The following ADGRB1 variants were observed in gnomAD, a reference collection of about 807,000 sequenced individuals.
The protein encoded by ADGRB1 is adhesion G protein-coupled receptor B1, also known as brain-specific angiogenesis inhibitor 1.
Under a neutral mutation model 175.7 loss-of-function variants are expected in ADGRB1, and 36 were observed. The ratio of observed to expected loss-of-function variants is 0.20; its 90% CI spans 0.16 to 0.27. The LOEUF (loss-of-function observed/expected upper bound fraction) is 0.27, where lower values mean the gene tolerates loss of function less well. Among genes scored for constraint, ADGRB1 ranks in the 10% least tolerant of loss-of-function variants. ADGRB1 has a pLI of 1.00. For missense variants in ADGRB1, 1,731 were observed against 2,255.3 expected (o/e 0.77, Z 4.71); for synonymous variants, 1,054 against 979.4 (o/e 1.08, Z -1.42).
At chr8:142,489,277 G>A in intron 15 of ADGRB1, 59 bp from the exon 16 acceptor site, 1 of 1,595,476 alleles carries the variant, frequency 6.3e-7, no homozygotes, top group Non-Finnish European at 8.6e-7. Flanking sequence ...CTGGGGAAGG[G>A]CCAGGAGGAG....
At position 142,485,507 on chromosome 8, in the gene ADGRB1, A is replaced by T. The variant is rs1276460304; in HGVS notation, c.2308+743A>T. ...GGAGTTTGAGACCAGCCTGGGCAGC[A>T]CAGTGAGACCCTGTCTCTACAAATG... On this transcript the variant is annotated intron_variant, in intron 13 of 30. Coordinates refer to ENST00000517894, the MANE Select transcript of ADGRB1 (RefSeq NM_001702.3). Among the ~76,000 whole-genome samples the T allele has an allele frequency of 2.0e-5, 3 of 152,212 alleles. No homozygotes were observed. In the East Asian group the frequency reaches 5.8e-4, roughly 29 times the overall value.
intron 19 of ADGRB1, among the ~76,000 whole-genome samples, chr8:142,519,557 TGTG>T (rs746518128): frequency 7.0e-5 from 10 of 141,888 alleles, no homozygotes; most frequent in Admixed American, 3.5e-4. Flanking sequence ...TGCTGGTGAT[TGTG>T]GTGATAGTGA....
chr8:142,489,054 G>A lies in ADGRB1; in HGVS notation c.2472G>A (p.Val824=), dbSNP rs1841854754. 2 of 1,611,854 alleles carry A rather than the reference G, an allele frequency of 1.2e-6. No homozygotes were observed. The highest frequency in any genetic ancestry group is 2.7e-5 in the African/African-American group (2 of 74,922). ...TTCCAGAGGCCGATGAAGCATCCGT[G>A]TTTGTGGTGGGCACCGTGCTCTACA... ...TGLTEADEAS[V]FVVGTVLYRN... The change falls in exon 15 of 31, where the codon GTG becomes GTA. Residue 824 remains valine (V), a synonymous_variant. Coordinates refer to ENST00000517894, the MANE Select transcript of ADGRB1 (RefSeq NM_001702.3).
At position 142,464,071 on chromosome 8, in the gene ADGRB1, T is replaced by TA; in HGVS notation, c.-128_-127insA. On this transcript the variant is annotated 5_prime_UTR_variant, in exon 2 of 31. Transcript: ENST00000517894. ...TCACCTGAAGCGGGGCCCTCTCCCATCCCACCCTTGCCCCGCCTCCCTGCC... is the reference window on the plus strand; with the variant it reads ...TCACCTGAAGCGGGGCCCTCTCCCATACCCACCCTTGCCCCGCCTCCCTGCC... 4 of 437,402 alleles carry TA rather than the reference T, an allele frequency of 9.1e-6. No homozygotes were observed. Among genetic ancestry groups the TA allele is most frequent in the Non-Finnish European group, 9.7e-6 (3 of 309,270 alleles). 27.1% of individuals were successfully genotyped at this position (437,402 alleles called of 1,614,324 possible). A position where few individuals can be genotyped will look rare whatever the true frequency, so the allele number is the denominator to read the frequency against.
At chr8:142,477,970 G>T (rs1841077556) in intron 6 of ADGRB1, among the ~76,000 whole-genome samples, 1 of 150,758 alleles carries the variant, frequency 6.6e-6, no homozygotes, top group Non-Finnish European at 1.5e-5. Flanking sequence ...GGCTGGATGT[G>T]GGGTGGTGGC....
At position 142,464,153 on chromosome 8, in the gene ADGRB1, G is replaced by A. The variant is rs1388834870; in HGVS notation, c.-46G>A. 6 of 1,157,114 alleles carry A rather than the reference G, an allele frequency of 5.2e-6. No individual in the cohort carries two copies. Among genetic ancestry groups the A allele is most frequent in the Non-Finnish European group, 6.4e-6 (6 of 943,634 alleles). The allele number at this position is 1,157,114 out of a possible 1,614,324, so 71.7% of individuals were successfully genotyped here. A position where few individuals can be genotyped will look rare whatever the true frequency, so the allele number is the denominator to read the frequency against. ...CCTGGCATGTCAAGACCTGGTCCGC[G>A]CCTGCCTGCCCAGCCCGCGGAACCC... On this transcript the variant is annotated 5_prime_UTR_variant, in exon 2 of 31. Coordinates refer to ENST00000517894, the MANE Select transcript of ADGRB1 (RefSeq NM_001702.3).
chr8:142,469,344 T>C (rs1326783414), intron 2 of ADGRB1, among the ~76,000 whole-genome samples: 2 of 151,266 alleles, frequency 1.3e-5, no homozygotes, highest in Middle Eastern at 3.5e-3. Context: ...TGTGTGAATG[T>C]GGGAGTGTCT....
chr8:142,511,134 G>A lies in ADGRB1; in HGVS notation c.2817+61G>A. 1 of 1,039,814 alleles carries A rather than the reference G, an allele frequency of 9.6e-7. No individual in the cohort carries two copies. Among genetic ancestry groups the A allele is most frequent in the Non-Finnish European group, 1.2e-6 (1 of 864,266 alleles). 64.4% of individuals were successfully genotyped at this position (1,039,814 alleles called of 1,614,324 possible). A position where few individuals can be genotyped will look rare whatever the true frequency, so the allele number is the denominator to read the frequency against. On this transcript the variant is annotated intron_variant, in intron 18 of 30. Coordinates refer to ENST00000517894, the MANE Select transcript of ADGRB1 (RefSeq NM_001702.3). This position sits in a 1 kb window ranked among gnomAD's most constrained non-coding sequence, Gnocchi z 4.5. ...GGCAGGGGCGCGGGCGGGGGCTGCC[G>A]GCGGGCCTGCGGGTGGGGAGGGCCC...
rs572343842 is a variant in ADGRB1 at position 142,479,700 on chromosome 8, T to C, written c.1734T>C (p.His578=). 125 of 1,587,552 alleles carry C rather than the reference T, an allele frequency of 7.9e-5. No individual in the cohort carries two copies. In the South Asian group the frequency reaches 1.2e-3, roughly 16 times the overall value. Residue 578 remains histidine, a synonymous_variant, in exon 9 of 31, where the codon CAT becomes CAC. Transcript: ENST00000517894. Reference sequence around the variant, plus strand: ...TCCCGGGCCCCTTGGCAGAGCCCCATGAGATCTGTGATGAGGACAACTTTG... The same window carrying C: ...TCCCGGGCCCCTTGGCAGAGCCCCACGAGATCTGTGATGAGGACAACTTTG... ...QCGTQRCPEP[H]EICDEDNFGA...
intron 24 of ADGRB1, among the ~76,000 whole-genome samples, chr8:142,529,083 A>G (rs1175769017): frequency 6.6e-6 from 1 of 152,242 alleles, no homozygotes; most frequent in Non-Finnish European, 1.5e-5. Context: ...GTCTGCACCC[A>G]TGACACCCCC....
Position 142,492,103 on chromosome 8 carries a change from TTAATC to T in ADGRB1, c.2675+1291_2675+1295del, listed in dbSNP as rs1842008432. The stretch of plus-strand genomic sequence containing the variant: ...ACCCTCTCCTCTGTCTGCCTGTTCT[TTAATC>T]TATACCCACTGCCACCACCCTCCAC... On this transcript the variant is annotated intron_variant, in intron 17 of 30. Coordinates refer to ENST00000517894, the MANE Select transcript of ADGRB1 (RefSeq NM_001702.3). This position sits in a 1 kb window ranked among gnomAD's most constrained non-coding sequence, Gnocchi z 4.4. Among the ~76,000 whole-genome samples, 1 of 151,918 alleles carries T rather than the reference TTAATC, an allele frequency of 6.6e-6. No homozygotes were observed. Among genetic ancestry groups the T allele is most frequent in the African/African-American group, 2.4e-5 (1 of 41,298 alleles).
rs1339885508 is a variant in ADGRB1, at chr8:142,504,121, T to G, written c.2676-6811T>G. ...TCGATGGGTCACAGCGACCAGGATC[T>G]CCTCAGGACCCCAGGTAATTGCCCC... is the stretch of plus-strand genomic sequence containing the variant. On this transcript the variant is annotated intron_variant, in intron 17 of 30. Coordinates refer to ENST00000517894, the MANE Select transcript of ADGRB1 (RefSeq NM_001702.3). The surrounding 1 kb of genome is among the most constrained non-coding windows in gnomAD (Gnocchi z 5.6). Among the ~76,000 whole-genome samples, 4 of 152,198 alleles carry G rather than the reference T, an allele frequency of 2.6e-5. No individual in the cohort carries two copies. The highest frequency in any genetic ancestry group is 5.9e-5 in the Non-Finnish European group (4 of 68,024).
chr8:142,469,157 A>G (rs200840914), intron 2 of ADGRB1, among the ~76,000 whole-genome samples: 1 of 6,040 alleles, frequency 1.7e-4, no homozygotes, highest in Non-Finnish European at 5.3e-4. Flanking sequence ...GCATGCGTGC[A>G]TGTGTGTGTG....
intron 17 of ADGRB1, among the ~76,000 whole-genome samples, chr8:142,495,253 A>G (rs368809037): frequency 1.3e-5 from 2 of 151,724 alleles, no homozygotes; most frequent in East Asian, 3.9e-4. Context: ...CAGCGGAAGA[A>G]CAGTCTCATG....
chr8:142,543,836 A>T lies in ADGRB1; in HGVS notation c.4557+128A>T. On this transcript the variant is annotated intron_variant, in intron 30 of 30. Coordinates refer to ENST00000517894, the MANE Select transcript of ADGRB1 (RefSeq NM_001702.3). The surrounding 1 kb of genome is among the most constrained non-coding windows in gnomAD (Gnocchi z 4.4). ...CATCCATTCGTTCATTCATTCATTC[A>T]TTCGCCCATCCCTGAGGGCTGGCCT... 1.0e-6 allele frequency: 1 copy of T among 986,938 alleles called. No individual in the cohort carries two copies. The allele number at this position is 986,938 out of a possible 1,614,324, so 61.1% of individuals were successfully genotyped here. A position where few individuals can be genotyped will look rare whatever the true frequency, so the allele number is the denominator to read the frequency against.
At chr8:142,476,262 G>A (rs183423857) in intron 3 of ADGRB1, among the ~76,000 whole-genome samples, 4 of 152,350 alleles carry the variant, frequency 2.6e-5, no homozygotes, top group African/African-American at 9.6e-5. Context: ...GGGCCCCGGG[G>A]CATCGGCTGG....
chr8:142,476,991 G>T, intron 4 of ADGRB1, 123 bp from the exon 5 acceptor site: 1 of 1,334,174 alleles, frequency 7.5e-7, no homozygotes, highest in Non-Finnish European at 9.9e-7. Context: ...GAAGGCCCGG[G>T]GGCTCTGCCC....
chr8:142,490,656 G>A, intron 16 of ADGRB1, 116 bp from the exon 17 acceptor site: 1 of 1,243,800 alleles, frequency 8.0e-7, no homozygotes, highest in Non-Finnish European at 1.1e-6. Flanking sequence ...GTCTGTTCAG[G>A]GACCCGCACA....
intron 2 of ADGRB1, among the ~76,000 whole-genome samples, chr8:142,468,129 C>T (rs978609894): frequency 6.6e-6 from 1 of 151,944 alleles, no homozygotes; most frequent in Non-Finnish European, 1.5e-5. Context: ...GGCATGTGCA[C>T]GTTTGCATGC....
Sources: allele counts gnomAD v4.1 joint callset (sites outside exome capture counted in the v4.1 genomes callset), GRCh38; gene constraint gnomAD v4.1.1; non-coding constraint Gnocchi (gnomAD v3.1); transcripts MANE v1.5; gene names NCBI Gene and HGNC (gene_info 2026-07-23, HGNC 2026-07-21).